Variants in ZNF804A observed in about 807,000 individuals in gnomAD.
The protein encoded by ZNF804A is zinc finger protein 804A.
A neutral mutation model predicts 16.5 loss-of-function variants in ZNF804A; 2 were observed. That is an observed-to-expected ratio of 0.12 (90% CI 0.05 to 0.38). The LOEUF is 0.38. ZNF804A is among the 10% of genes least tolerant of loss of function. The pLI is 0.99. For synonymous variants in ZNF804A, 534 were observed against 489.6 expected (o/e 1.09, Z -1.20); for missense variants, 1,473 against 1,390.7 (o/e 1.06, Z -0.94).
chr2:184,599,323 C>G (rs1269521069), intron 1 of ZNF804A, among the ~76,000 whole-genome samples: 3 of 152,146 alleles, frequency 2.0e-5, no homozygotes, highest in Non-Finnish European at 4.4e-5. Context: ...TTACCACAGT[C>G]TCTCCTTATT....
intron 1 of ZNF804A, among the ~76,000 whole-genome samples, chr2:184,608,857 A>G (rs943128245): frequency 6.6e-6 from 1 of 152,242 alleles, no homozygotes; most frequent in African/African-American, 2.4e-5. Context: ...ATATTACCAC[A>G]TTAGTATAAG....
At chr2:184,738,289 G>A (rs1455195145) in intron 1 of ZNF804A, among the ~76,000 whole-genome samples, 2 of 151,802 alleles carry the variant, frequency 1.3e-5, no homozygotes, top group Non-Finnish European at 2.9e-5. Context: ...TAAAAAAAAA[G>A]GACAGTACAT....
At chr2:184,855,510 T>C (rs575640182) in intron 1 of ZNF804A, among the ~76,000 whole-genome samples, 1 of 152,124 alleles carries the variant, frequency 6.6e-6, no homozygotes, top group African/African-American at 2.4e-5. Flanking sequence ...CAAATGTGAC[T>C]TCATGAATTC....
chr2:184,772,907 CA>C (rs1558957374), intron 1 of ZNF804A, among the ~76,000 whole-genome samples: 1 of 146,454 alleles, frequency 6.8e-6, no homozygotes, highest in East Asian at 2.0e-4. Context: ...AATACATACA[CA>C]CACACACACA....
intron 1 of ZNF804A, among the ~76,000 whole-genome samples, chr2:184,843,017 C>A (rs1695460280): frequency 6.6e-6 from 1 of 152,090 alleles, no homozygotes; most frequent in African/African-American, 2.4e-5. Context: ...AAAACCCCTG[C>A]TTTGGGTTAG....
chr2:184,886,111 C>T (rs866683576), intron 2 of ZNF804A, among the ~76,000 whole-genome samples: 1 of 152,148 alleles, frequency 6.6e-6, no homozygotes, highest in African/African-American at 2.4e-5. Context: ...TTCCTAGATA[C>T]AATGGAGGTA....
chr2:184,721,393 GT>G (rs1693312567), intron 1 of ZNF804A, among the ~76,000 whole-genome samples: 1 of 151,516 alleles, frequency 6.6e-6, no homozygotes, highest in Admixed American at 6.6e-5. Flanking sequence ...TGAAACAACA[GT>G]AAAAAAATAA....
intron 1 of ZNF804A, among the ~76,000 whole-genome samples, chr2:184,618,456 AG>A (rs1691363729): frequency 6.6e-6 from 1 of 152,164 alleles, no homozygotes; most frequent in African/African-American, 2.4e-5. Context: ...TAGGAAAAAA[AG>A]ATTATTTAAT....
At chr2:184,803,079 A>T (rs375831908) in intron 1 of ZNF804A, among the ~76,000 whole-genome samples, 303 of 152,340 alleles carry the variant, frequency 2.0e-3, no homozygotes, top group Non-Finnish European at 3.2e-3. Context: ...CTAAATAAAT[A>T]TTAACTATTA....
intron 1 of ZNF804A, among the ~76,000 whole-genome samples, chr2:184,662,492 A>G (rs993070680): frequency 2.0e-5 from 3 of 152,206 alleles, no homozygotes; most frequent in African/African-American, 7.2e-5. Context: ...TGAGAAACGT[A>G]TCATCAACTG....
At chr2:184,659,632 T>C (rs1692135762) in intron 1 of ZNF804A, among the ~76,000 whole-genome samples, 1 of 152,114 alleles carries the variant, frequency 6.6e-6, no homozygotes, top group African/African-American at 2.4e-5. Flanking sequence ...AAAGTAAAAC[T>C]ATATTAATAA....
chr2:184,702,163 G>T (rs1041731262), intron 1 of ZNF804A, among the ~76,000 whole-genome samples: 2 of 151,972 alleles, frequency 1.3e-5, no homozygotes, highest in Non-Finnish European at 2.9e-5. Context: ...AGAATTAAAA[G>T]TCTGTGTGTA....
At chr2:184,677,644 A>G (rs1191214764) in intron 1 of ZNF804A, among the ~76,000 whole-genome samples, 6 of 152,138 alleles carry the variant, frequency 3.9e-5, no homozygotes, top group African/African-American at 9.6e-5. Context: ...ATCTTTGTCT[A>G]TATATTTTAA....
intron 3 of ZNF804A, among the ~76,000 whole-genome samples, chr2:184,934,469 T>C (rs1438803193): frequency 1.3e-5 from 2 of 152,162 alleles, no homozygotes; most frequent in African/African-American, 4.8e-5. Context: ...TGGGATACGT[T>C]GACATATCGA....
chr2:184,712,472 T>G (rs1470967151), intron 1 of ZNF804A, among the ~76,000 whole-genome samples: 5 of 151,800 alleles, frequency 3.3e-5, no homozygotes, highest in African/African-American at 1.2e-4. Context: ...GTCTTTAATG[T>G]CGACACGTTG....
chr2:184,912,054 G>A (rs1367018780), intron 2 of ZNF804A, among the ~76,000 whole-genome samples: 1 of 151,884 alleles, frequency 6.6e-6, no homozygotes, highest in Admixed American at 6.6e-5. Context: ...GAACAAATCA[G>A]CGACAGTACA....
At chr2:184,828,348 A>G (rs145820602) in intron 1 of ZNF804A, among the ~76,000 whole-genome samples, 1 of 151,874 alleles carries the variant, frequency 6.6e-6, no homozygotes, top group African/African-American at 2.4e-5. Context: ...CTATGAAATA[A>G]CTGAAGTAAC....
chr2:184,881,279 C>A (rs1054169590), intron 2 of ZNF804A, among the ~76,000 whole-genome samples: 1 of 151,522 alleles, frequency 6.6e-6, no homozygotes, highest in Admixed American at 6.6e-5. Context: ...GTGAAGAAAC[C>A]AAGTCTGTCA....
chr2:184,938,152 G>A lies in ZNF804A; in HGVS notation c.2756G>A (p.Cys919Tyr). 1.2e-6 allele frequency: 2 copies of A among 1,614,134 alleles called. No individual in the cohort carries two copies. Among genetic ancestry groups the A allele is most frequent in the Non-Finnish European group, 1.7e-6 (2 of 1,180,018 alleles). Reference sequence around the variant, plus strand: ...TCCAATGATCCCACCACATCTGTCTGTGTAGCTAGTGCCCCAACAAAAGAA... The same window carrying A: ...TCCAATGATCCCACCACATCTGTCTATGTAGCTAGTGCCCCAACAAAAGAA... ...DVSNDPTTSV[C>Y]VASAPTKEAI... is the part of the protein sequence containing the mutation. Residue 919 changes from cysteine (C) to tyrosine (Y), a missense_variant, in exon 4 of 4, where the codon TGT becomes TAT. Physicochemically the swap from Cys to Tyr is radical, Grantham distance 194. Transcript: ENST00000302277.
Sources: allele counts gnomAD v4.1 joint callset (sites outside exome capture counted in the v4.1 genomes callset), GRCh38; gene constraint gnomAD v4.1.1; transcripts MANE v1.5; gene names NCBI Gene and HGNC (gene_info 2026-07-23, HGNC 2026-07-21).